TPCN2: variants seen among roughly 807,000 people sequenced by gnomAD.
The protein encoded by TPCN2 is two pore channel protein 2.
In TPCN2, 92 loss-of-function variants were observed where a neutral mutation model predicts 111.4. That is an observed-to-expected ratio of 0.83 (90% CI 0.70 to 0.98). The LOEUF is 0.98. Among genes scored for constraint, TPCN2 ranks in the 50% least tolerant of loss-of-function variants. The pLI is 0.00. For missense variants in TPCN2, 995 were observed against 980.1 expected (o/e 1.02, Z -0.20); for synonymous variants, 405 against 414.5 (o/e 0.98, Z 0.28).
At chr11:69,081,539 G>T in intron 18 of TPCN2, 40 bp downstream of exon 18, 1 of 1,453,958 alleles carries the variant, frequency 6.9e-7, no homozygotes, top group Non-Finnish European at 9.3e-7. Flanking sequence ...CACCCTCCTG[G>T]GTCATGCTGC....
chr11:69,079,865 G>A lies in TPCN2; in HGVS notation c.1571G>A (p.Arg524Gln), dbSNP rs1036354395. 6.2e-6 allele frequency: 10 copies of A among 1,613,542 alleles called. No individual in the cohort carries two copies. Among genetic ancestry groups the A allele is most frequent in the African/African-American group, 1.3e-5 (1 of 74,898 alleles). Residue 524 changes from arginine (R) to glutamine (Q), a missense_variant, in exon 17 of 25, where the codon CGA becomes CAA. Physicochemically the swap from Arg to Gln is conservative, Grantham distance 43. Transcript: ENST00000294309. ...GAGATCTCAACTCTGGCTGTGTACC[G>A]ATTGCCACACCCAGGCTGGTATGTG... ...VLEISTLAVY[R>Q]LPHPGWRPEM...
chr11:69,054,389 G>A (rs1181230542), intron 2 of TPCN2: 2 of 571,118 alleles, frequency 3.5e-6, no homozygotes. Context: ...ACAGCTGCAC[G>A]GGGCGTGGGA....
chr11:69,064,754 C>T (rs546976647), intron 7 of TPCN2, among the ~76,000 whole-genome samples: 26 of 152,346 alleles, frequency 1.7e-4, no homozygotes, highest in African/African-American at 5.1e-4. Context: ...CTGAAGCCCG[C>T]GTTCTCACCC....
At position 69,063,017 on chromosome 11, in the gene TPCN2, A is replaced by C. The variant is rs775319206; in HGVS notation, c.653+27A>C. ...TGGGCTCTTGGTGCTCTGGGCTCGC[A>C]GGGTTGGGAAGGGGCTCTCTCTGCC... On this transcript the variant is annotated intron_variant, in intron 6 of 24. Coordinates refer to ENST00000294309, the MANE Select transcript of TPCN2 (RefSeq NM_139075.4). The C allele has an allele frequency of 6.9e-6, 11 of 1,599,598 alleles. No individual in the cohort carries two copies. In the South Asian group the frequency reaches 1.2e-4, roughly 18 times the overall value.
rs1046325467 is a variant in TPCN2 at position 69,071,807 on chromosome 11, C to G, written c.961-116C>G. 24 of 866,788 alleles carry G rather than the reference C, an allele frequency of 2.8e-5. No homozygotes were observed. The African/African-American group carries it at 3.4e-4, about 12-fold the overall frequency. 53.7% of individuals were successfully genotyped at this position (866,788 alleles called of 1,614,324 possible). A position where few individuals can be genotyped will look rare whatever the true frequency, so the allele number is the denominator to read the frequency against. On this transcript the variant is annotated intron_variant, in intron 10 of 24. Coordinates refer to ENST00000294309, the MANE Select transcript of TPCN2 (RefSeq NM_139075.4). ...TGCCCCCAGGCTGTGGGGAACTGGG[C>G]CCCCCCCCAAGGCTGCCCAGACTCC...
At chr11:69,080,344 C>T (rs1210484362) in intron 17 of TPCN2, among the ~76,000 whole-genome samples, 1 of 152,256 alleles carries the variant, frequency 6.6e-6, no homozygotes, top group Non-Finnish European at 1.5e-5. Flanking sequence ...TCACTTTAGC[C>T]TCCTTAAAAT....
In TPCN2 at chr11:69,078,883, C is replaced by G; in HGVS notation, c.1411-9C>G. 1 of 1,614,022 alleles carries G rather than the reference C, an allele frequency of 6.2e-7. No homozygotes were observed. The highest frequency in any genetic ancestry group is 8.5e-7 in the Non-Finnish European group (1 of 1,179,978). ...GCCCAATGCTGGGTGCCTCTTCTGC[C>G]CCTTTCAGATTCTCAACTGCGTCTT... On this transcript the variant is annotated splice_polypyrimidine_tract_variant and intron_variant, in intron 15 of 24. Coordinates refer to ENST00000294309, the MANE Select transcript of TPCN2 (RefSeq NM_139075.4).
At chr11:69,067,388 G>GA in intron 7 of TPCN2, 115 bp from the exon 8 acceptor site, 1 of 911,460 alleles carries the variant, frequency 1.1e-6, no homozygotes. Context: ...AGGCCACAGG[G>GA]AGATGCAGGC....
intron 1 of TPCN2, among the ~76,000 whole-genome samples, chr11:69,050,566 TGG>T (rs1861179018): frequency 6.6e-6 from 1 of 152,168 alleles, no homozygotes; most frequent in Non-Finnish European, 1.5e-5. Context: ...TTAGTAGAGA[TGG>T]GGTTTCACTG....
chr11:69,072,842 G>GC (rs1173532676), intron 12 of TPCN2, 73 bp from the exon 13 acceptor site: 9 of 1,525,108 alleles, frequency 5.9e-6, no homozygotes, highest in Middle Eastern at 4.1e-4. Flanking sequence ...TGGGGTTGGG[G>GC]CTGGGGGCGC....
chr11:69,049,191 C>G, intron 1 of TPCN2, 85 bp downstream of exon 1: 1 of 912,062 alleles, frequency 1.1e-6, no homozygotes, highest in Non-Finnish European at 1.4e-6. Context: ...ACCCCGCTTT[C>G]TGCCGGGCGC....
At chr11:69,052,301 A>G (rs1861260611) in intron 1 of TPCN2, among the ~76,000 whole-genome samples, 1 of 152,072 alleles carries the variant, frequency 6.6e-6, no homozygotes, top group Non-Finnish European at 1.5e-5. Context: ...GGCCTCTCAG[A>G]TCACCGGCCC....
intron 13 of TPCN2, among the ~76,000 whole-genome samples, chr11:69,073,944 C>T (rs1338964855): frequency 1.3e-5 from 2 of 151,858 alleles, no homozygotes; most frequent in African/African-American, 4.8e-5. Context: ...TCATCTCCTC[C>T]TCTTATAAGG....
chr11:69,054,623 C>A, intron 2 of TPCN2, 98 bp from the exon 3 acceptor site: 1 of 1,160,344 alleles, frequency 8.6e-7, no homozygotes, highest in Non-Finnish European at 1.3e-6. Context: ...TGATCCACAG[C>A]CTGAGACTTG....
intron 5 of TPCN2, among the ~76,000 whole-genome samples, chr11:69,058,252 C>T (rs1448580242): frequency 6.6e-6 from 1 of 152,174 alleles, no homozygotes; most frequent in Non-Finnish European, 1.5e-5. Context: ...GAAGCAGAGC[C>T]CCACAGGTGC....
chr11:69,071,049 C>A (rs1411148561), intron 9 of TPCN2, among the ~76,000 whole-genome samples: 1 of 146,932 alleles, frequency 6.8e-6, no homozygotes, highest in African/African-American at 2.5e-5. Flanking sequence ...CCCCAGGGAT[C>A]CCCCACCAAC....
intron 4 of TPCN2, among the ~76,000 whole-genome samples, chr11:69,056,733 A>T (rs1384301823): frequency 6.6e-6 from 1 of 151,818 alleles, no homozygotes; most frequent in East Asian, 1.9e-4. Flanking sequence ...GGGTTTCACC[A>T]TGTTAGCCAG....
chr11:69,079,470 GGTGT>G (rs1855917122), intron 16 of TPCN2: 3 of 293,750 alleles, frequency 1.0e-5, no homozygotes, highest in Non-Finnish European at 1.9e-5. Flanking sequence ...TGCCACACTT[GGTGT>G]GTGTGTCACA....
In TPCN2 at chr11:69,055,065, C is replaced by T. The variant is rs566073559; in HGVS notation, c.252-110C>T. On this transcript the variant is annotated intron_variant, in intron 3 of 24. Coordinates refer to ENST00000294309, the MANE Select transcript of TPCN2 (RefSeq NM_139075.4). The stretch of plus-strand genomic sequence containing the variant: ...TGATCTCCCCAGTCACGAGTGTCCA[C>T]GCTCAGGCAGCGCCAACTCCCGTGC... The T allele has an allele frequency of 1.4e-5, 17 of 1,215,906 alleles. 1 individual carries two copies. The highest frequency in any genetic ancestry group is 7.0e-5 in the East Asian group (3 of 42,858). 75.3% of individuals were successfully genotyped at this position (1,215,906 alleles called of 1,614,324 possible). A position where few individuals can be genotyped will look rare whatever the true frequency, so the allele number is the denominator to read the frequency against.
Sources: allele counts gnomAD v4.1 joint callset (sites outside exome capture counted in the v4.1 genomes callset), GRCh38; gene constraint gnomAD v4.1.1; transcripts MANE v1.5; gene names NCBI Gene and HGNC (gene_info 2026-07-23, HGNC 2026-07-21).